The following OSBPL10 variants were observed in gnomAD, a reference collection of about 807,000 sequenced individuals.
The protein encoded by OSBPL10 is oxysterol-binding protein-related protein 10.
In OSBPL10, 49 loss-of-function variants were observed where a neutral mutation model predicts 81.7. The observed-to-expected ratio is 0.60, with a 90% CI of 0.48 to 0.76. The LOEUF is 0.76. OSBPL10 is among the 30% of genes least tolerant of loss of function. The pLI, the probability that OSBPL10 is intolerant of heterozygous loss-of-function variation, is 0.00. For synonymous variants in OSBPL10, 419 were observed against 383.6 expected, an observed-to-expected ratio of 1.09 and a Z score of -1.08; for missense variants, 923 against 987.8, an observed-to-expected ratio of 0.93 and a Z score of 0.88.
intron 1 of OSBPL10, among the ~76,000 whole-genome samples, chr3:31,934,316 A>G (rs561781529): frequency 3.3e-5 from 5 of 152,108 alleles, no homozygotes; most frequent in Non-Finnish European, 7.4e-5. Context: ...AAAAAAAAGG[A>G]AGCAAAAACT....
Position 31,879,636 on chromosome 3 carries a change from T to C in OSBPL10, c.457+19A>G. On this transcript the variant is annotated intron_variant, in intron 2 of 11. Transcript: ENST00000396556. ...GCAACTAGAGGCCTGTCTGAAAAGT[T>C]ACTGGGAGAAGAACGCACCTCTCAG... The C allele has an allele frequency of 6.3e-7, 1 of 1,594,876 alleles. No homozygotes were observed. Among genetic ancestry groups the C allele is most frequent in the South Asian group, 1.1e-5 (1 of 87,834 alleles).
At chr3:31,804,353 GGA>G (rs1453592639) in intron 4 of OSBPL10, among the ~76,000 whole-genome samples, 1 of 152,140 alleles carries the variant, frequency 6.6e-6, no homozygotes, top group Non-Finnish European at 1.5e-5. Flanking sequence ...AACGAGGCAA[GGA>G]GAGGTTAAAA....
intron 2 of OSBPL10, among the ~76,000 whole-genome samples, chr3:31,997,730 C>T (rs536746874): frequency 6.6e-5 from 10 of 151,964 alleles, no homozygotes; most frequent in African/African-American, 2.4e-4. Flanking sequence ...GAGTTAGTGC[C>T]TCTTCCTTGT....
In OSBPL10 at chr3:31,817,541, G is replaced by GGCAGCT. The variant is rs547229730; in HGVS notation, c.729+12498_729+12499insAGCTGC. 2.4e-3 allele frequency among the ~76,000 whole-genome samples: 254 copies of GGCAGCT among 106,736 alleles called. 1 individual carries two copies. Among genetic ancestry groups the GGCAGCT allele is most frequent in the African/African-American group, 7.7e-3 (247 of 32,126 alleles). The allele number at this position is 106,736 out of a possible 152,430, so 70.0% of individuals were successfully genotyped here. ...GCCCAGGGTCTGCAGCTGTGGGTCA[G>GGCAGCT]GCGGCTGCAGCTGCACCCACACCCA... On this transcript the variant is annotated intron_variant, in intron 4 of 11. Coordinates refer to ENST00000396556, the MANE Select transcript of OSBPL10 (RefSeq NM_017784.5).
chr3:31,697,579 G>A (rs551028161), intron 7 of OSBPL10, among the ~76,000 whole-genome samples: 2 of 151,906 alleles, frequency 1.3e-5, no homozygotes, highest in African/African-American at 2.4e-5. Context: ...ACAATAAAAC[G>A]AATAGCAATT....
At chr3:31,777,850 T>C (rs745509293) in intron 4 of OSBPL10, among the ~76,000 whole-genome samples, 22 of 152,230 alleles carry the variant, frequency 1.4e-4, no homozygotes, top group African/African-American at 5.3e-4. Flanking sequence ...AAGAGCCTTT[T>C]AGGCACTCCC....
At chr3:31,771,522 T>C (rs571486476) in intron 4 of OSBPL10, among the ~76,000 whole-genome samples, 6 of 152,300 alleles carry the variant, frequency 3.9e-5, no homozygotes, top group Admixed American at 2.0e-4. Flanking sequence ...ATGAGTTTTA[T>C]TGGGGGTCTG....
intron 1 of OSBPL10, among the ~76,000 whole-genome samples, chr3:31,910,135 C>T (rs1696531206): frequency 6.6e-6 from 1 of 151,996 alleles, no homozygotes; most frequent in South Asian, 2.1e-4. Flanking sequence ...GAACACGCCA[C>T]CATGCCCAAC....
chr3:32,047,121 G>C (rs1036781393), intron 1 of OSBPL10, among the ~76,000 whole-genome samples: 2 of 152,200 alleles, frequency 1.3e-5, no homozygotes, highest in Middle Eastern at 3.4e-3. Context: ...GAGACTCTAG[G>C]TGTGTGCCAC....
chr3:31,916,391 T>G (rs945731245), intron 1 of OSBPL10, among the ~76,000 whole-genome samples: 1 of 152,194 alleles, frequency 6.6e-6, no homozygotes, highest in Non-Finnish European at 1.5e-5. Context: ...TTGGCAAGTG[T>G]AGAGTGAGTG....
chr3:31,956,089 A>G (rs948635661), intron 1 of OSBPL10, among the ~76,000 whole-genome samples: 2 of 152,200 alleles, frequency 1.3e-5, no homozygotes, highest in Non-Finnish European at 2.9e-5. Flanking sequence ...AAACACTGCA[A>G]AACCCTCTAA....
chr3:32,035,667 C>T (rs924936946), intron 2 of OSBPL10, among the ~76,000 whole-genome samples: 4 of 151,662 alleles, frequency 2.6e-5, no homozygotes, highest in African/African-American at 7.3e-5. Context: ...TGGAAGAGAT[C>T]TTAAAGGAAT....
intron 6 of OSBPL10, among the ~76,000 whole-genome samples, chr3:31,731,600 T>C (rs1380231525): frequency 1.3e-5 from 2 of 152,050 alleles, no homozygotes; most frequent in African/African-American, 4.8e-5. Flanking sequence ...GCGATTCTCC[T>C]GCCTCAGCCT....
chr3:31,801,417 C>T (rs982169251), intron 4 of OSBPL10, among the ~76,000 whole-genome samples: 2 of 152,148 alleles, frequency 1.3e-5, no homozygotes, highest in African/African-American at 2.4e-5. Context: ...TAACCCTTGC[C>T]CCAACAGCCC....
chr3:31,664,278 C>CTGA, intron 10 of OSBPL10, 46 bp from the exon 11 acceptor site: 1 of 1,599,488 alleles, frequency 6.3e-7, no homozygotes. Flanking sequence ...GGCCAGCTGG[C>CTGA]TGCAAGCTAA....
At chr3:31,739,630 G>A (rs1697279481) in intron 5 of OSBPL10, among the ~76,000 whole-genome samples, 1 of 152,148 alleles carries the variant, frequency 6.6e-6, no homozygotes, top group Non-Finnish European at 1.5e-5. Context: ...ACACACCAAA[G>A]AAATGCCATG....
chr3:31,760,855 G>A (rs1332717550), intron 4 of OSBPL10, among the ~76,000 whole-genome samples: 1 of 152,110 alleles, frequency 6.6e-6, no homozygotes, highest in Non-Finnish European at 1.5e-5. Flanking sequence ...ACATTACGAT[G>A]ATGTTTAACT....
chr3:31,966,412 T>C (rs200121977), intron 1 of OSBPL10, among the ~76,000 whole-genome samples: 1 of 151,386 alleles, frequency 6.6e-6, no homozygotes, highest in Non-Finnish European at 1.5e-5. Flanking sequence ...AAAAACTATA[T>C]ATAAAGTGAA....
At chr3:32,029,749 A>G (rs1435913355) in intron 2 of OSBPL10, among the ~76,000 whole-genome samples, 1 of 152,124 alleles carries the variant, frequency 6.6e-6, no homozygotes, top group Non-Finnish European at 1.5e-5. Context: ...ACTGTAACCA[A>G]TGTCCATTCC....
Sources: allele counts gnomAD v4.1 joint callset (sites outside exome capture counted in the v4.1 genomes callset), GRCh38; gene constraint gnomAD v4.1.1; transcripts MANE v1.5; gene names NCBI Gene and HGNC (gene_info 2026-07-23, HGNC 2026-07-21).